BEGAIN: variants seen among roughly 807,000 people sequenced by gnomAD.
BEGAIN encodes the protein brain-enriched guanylate kinase-associated protein.
In BEGAIN, 19 loss-of-function variants were observed where a neutral mutation model predicts 35.8. The observed-to-expected ratio is 0.53, with a 90% CI of 0.37 to 0.78. The LOEUF (loss-of-function observed/expected upper bound fraction) is 0.78. Among genes scored for constraint, BEGAIN ranks in the 30% least tolerant of loss-of-function variants. The pLI, the probability that BEGAIN is intolerant of heterozygous loss-of-function variation, is 0.00. For synonymous variants in BEGAIN, 462 were observed against 388.6 expected (o/e 1.19, Z -2.22); for missense variants, 795 against 853.6 (o/e 0.93, Z 0.85).
chr14:100,556,942 C>T (rs12894800), intron 2 of BEGAIN, among the ~76,000 whole-genome samples: 26,497 of 152,240 alleles, frequency 0.17, 3,181 homozygotes, highest in East Asian at 0.55. Flanking sequence ...CCACTGATCT[C>T]CATCCAACCT....
Position 100,538,438 on chromosome 14 carries a change from CG to C in BEGAIN, c.1369del (p.Arg457AlafsTer62). 1 of 1,587,766 alleles carries C rather than the reference CG, an allele frequency of 6.3e-7. No homozygotes were observed. Among genetic ancestry groups the C allele is most frequent in the Admixed American group, 1.8e-5 (1 of 55,388 alleles). On this transcript the variant is annotated frameshift_variant, in exon 7 of 7. Coordinates refer to ENST00000554140, the MANE Select transcript of BEGAIN (RefSeq NM_001385089.1). LOFTEE classifies it high-confidence loss of function. ...AYSYPVSAAG[R>X]ASPCSFSERY... ...TTCAGAGAAGCTGCAGGGTGAGGCG[CG>C]GCCGGCAGCGCTCACGGGGTAGGAG...
chr14:100,584,353 G>T (rs1396330412), intron 1 of BEGAIN, among the ~76,000 whole-genome samples: 2 of 152,194 alleles, frequency 1.3e-5, no homozygotes, highest in Non-Finnish European at 2.9e-5. Context: ...GCCTGCTGAG[G>T]CAAGGGCCAC....
intron 2 of BEGAIN, among the ~76,000 whole-genome samples, chr14:100,564,392 G>C (rs1020548744): frequency 6.6e-6 from 1 of 151,984 alleles, no homozygotes; most frequent in Non-Finnish European, 1.5e-5. Flanking sequence ...TTTGACAGAG[G>C]AGGGAACCGA....
In BEGAIN at chr14:100,568,501, C is replaced by T; in HGVS notation, c.43-562G>A. 7.8e-7 allele frequency: 1 copy of T among 1,287,270 alleles called. No homozygotes were observed. 79.7% of individuals were successfully genotyped at this position (1,287,270 alleles called of 1,614,324 possible). A position where few individuals can be genotyped will look rare whatever the true frequency, so the allele number is the denominator to read the frequency against. The stretch of plus-strand genomic sequence containing the variant: ...GACTCCTCAATCAGGGACCCGCTGC[C>T]CTCAGATTCTGGGGTTTTGGGCCTG... On this transcript the variant is annotated intron_variant, in intron 1 of 6. Transcript: ENST00000554140. The surrounding 1 kb of genome is among the most constrained non-coding windows in gnomAD (Gnocchi z 7.5).
chr14:100,541,216 G>A (rs2031559111), intron 5 of BEGAIN, among the ~76,000 whole-genome samples: 1 of 152,264 alleles, frequency 6.6e-6, no homozygotes, highest in African/African-American at 2.4e-5. Context: ...CTTCGCCACT[G>A]AAAATCTCTG....
chr14:100,538,449 G>A lies in BEGAIN; in HGVS notation c.1359C>T (p.Ser453=), dbSNP rs1361798703. The A allele has an allele frequency of 6.9e-6, 11 of 1,588,966 alleles. No individual in the cohort carries two copies. The highest frequency in any genetic ancestry group is 6.8e-5 in the African/African-American group (5 of 73,632). The change falls in exon 7 of 7, where the codon AGC becomes AGT. Residue 453 remains serine, a synonymous_variant. Transcript: ENST00000554140. The part of the protein sequence containing the change: ...EDIGAYSYPV[S]AAGRASPCSF... Reference sequence around the variant, plus strand: ...TGCAGGGTGAGGCGCGGCCGGCAGCGCTCACGGGGTAGGAGTAGGCGCCGA... The same window carrying A: ...TGCAGGGTGAGGCGCGGCCGGCAGCACTCACGGGGTAGGAGTAGGCGCCGA...
intron 1 of BEGAIN, among the ~76,000 whole-genome samples, chr14:100,571,347 C>A (rs1424139295): frequency 1.3e-5 from 2 of 152,210 alleles, no homozygotes; most frequent in Non-Finnish European, 1.5e-5. Flanking sequence ...GCCTGTGGAG[C>A]TCCCAGCTGC....
chr14:100,552,753 G>A (rs139549084), intron 2 of BEGAIN, among the ~76,000 whole-genome samples: 86 of 152,340 alleles, frequency 5.6e-4, no homozygotes, highest in African/African-American at 1.6e-3. Context: ...AGTAGAGCAC[G>A]TGGTCCCTAG....
In BEGAIN at chr14:100,586,210, A is replaced by T. The variant is rs1337662095; in HGVS notation, c.42+1039T>A. Among the ~76,000 whole-genome samples the T allele has an allele frequency of 1.3e-5, 2 of 152,176 alleles. No individual in the cohort carries two copies. Among genetic ancestry groups the T allele is most frequent in the African/African-American group, 2.4e-5 (1 of 41,458 alleles). ...GGGGTCTCTGCTGCTCTTGGCAGGC[A>T]GAGGAACTAGGGTCCAGAGAAGGAA... On this transcript the variant is annotated intron_variant, in intron 1 of 6. Coordinates refer to ENST00000554140, the MANE Select transcript of BEGAIN (RefSeq NM_001385089.1). The surrounding 1 kb of genome is among the most constrained non-coding windows in gnomAD (Gnocchi z 4.9).
intron 1 of BEGAIN, among the ~76,000 whole-genome samples, chr14:100,574,493 C>T (rs933521897): frequency 2.7e-5 from 4 of 150,308 alleles, no homozygotes; most frequent in Admixed American, 1.3e-4. Flanking sequence ...CCACCACCAG[C>T]ATGTTGTATT....
Position 100,538,585 on chromosome 14 carries a change from TG to T in BEGAIN, c.1222del (p.Gln408SerfsTer4). Reference sequence around the variant, plus strand: ...CAGGTTTGGGGGCATCAGGGCCTGCTGGGGACCCGGAGAGGCCGGGAAGCGG... The same window carrying T: ...CAGGTTTGGGGGCATCAGGGCCTGCTGGGACCCGGAGAGGCCGGGAAGCGG... ...TFRFPASPGP[Q>X]QALMPPNLWS... On this transcript the variant is annotated frameshift_variant, in exon 7 of 7. Transcript: ENST00000554140. LOFTEE classifies it low-confidence loss of function (END_TRUNC). The T allele has an allele frequency of 1.3e-6, 2 of 1,547,416 alleles. No homozygotes were observed. The highest frequency in any genetic ancestry group is 2.0e-5 in the Admixed American group (1 of 50,698).
Position 100,541,848 on chromosome 14 carries a change from C to T in BEGAIN, c.409-1269G>A, listed in dbSNP as rs115583947. Among the ~76,000 whole-genome samples the T allele has an allele frequency of 9.0e-3, 1,370 of 152,292 alleles. 19 individuals carry two copies. The highest frequency in any genetic ancestry group is 0.032 in the African/African-American group (1,315 of 41,544). On this transcript the variant is annotated intron_variant, in intron 5 of 6. Transcript: ENST00000554140. ...TCCTGAGCAGCCGCAGCTGCTGGCT[C>T]GGGGAGGAAATGCTCACGGGACACT... is the stretch of plus-strand genomic sequence containing the variant.
rs1378418320 is a variant in BEGAIN, at chr14:100,543,879, G to A, written c.387C>T (p.Ile129=). The change falls in exon 5 of 7, where the codon ATC becomes ATT. Residue 129 remains isoleucine (I), a synonymous_variant. Coordinates refer to ENST00000554140, the MANE Select transcript of BEGAIN (RefSeq NM_001385089.1). The part of the protein sequence containing the change: ...NSHLLEAKVT[I]DKLSEDNELY... ...TCACGTTGTCCTCTGACAGCTTGTC[G>A]ATGGTCACCTTGGCTTCTAGCAGAT... The A allele has an allele frequency of 1.9e-6, 3 of 1,613,456 alleles. No individual in the cohort carries two copies. The highest frequency in any genetic ancestry group is 1.6e-4 in the Middle Eastern group (1 of 6,080).
rs1190391951 is a variant in BEGAIN, at chr14:100,574,525, T to TC, written c.43-6587_43-6586insG. ...TATTTGGCCTGCACAAAGGTTTTTT[T>TC]TTTTTTTTTTTTTTAAACATTTGAG... is the stretch of plus-strand genomic sequence containing the variant. On this transcript the variant is annotated intron_variant, in intron 1 of 6. Coordinates refer to ENST00000554140, the MANE Select transcript of BEGAIN (RefSeq NM_001385089.1). Among the ~76,000 whole-genome samples, 20 of 152,222 alleles carry TC rather than the reference T, an allele frequency of 1.3e-4. No homozygotes were observed. The South Asian group carries it at 2.5e-3, about 19-fold the overall frequency.
rs1424559222 is a variant in BEGAIN, at chr14:100,558,355, C to T, written c.71+9556G>A. The stretch of plus-strand genomic sequence containing the variant: ...CAGGCACATGCTGCCTCTCCCTGCT[C>T]CCGCACCTCCCACCCTCACTGCGCT... On this transcript the variant is annotated intron_variant, in intron 2 of 6. Transcript: ENST00000554140. This position sits in a 1 kb window ranked among gnomAD's most constrained non-coding sequence, Gnocchi z 4.6. Among the ~76,000 whole-genome samples the T allele has an allele frequency of 2.0e-5, 3 of 152,198 alleles. No individual in the cohort carries two copies. Among genetic ancestry groups the T allele is most frequent in the East Asian group, 1.9e-4 (1 of 5,198 alleles).
intron 5 of BEGAIN, among the ~76,000 whole-genome samples, chr14:100,543,089 C>T (rs1168373553): frequency 1.3e-5 from 2 of 152,224 alleles, no homozygotes; most frequent in Non-Finnish European, 2.9e-5. Flanking sequence ...GCTTCTCCCA[C>T]GGATGTCTGC....
intron 6 of BEGAIN, 62 bp from the exon 7 acceptor site, chr14:100,539,377 C>T: frequency 6.7e-7 from 1 of 1,497,474 alleles, no homozygotes. Flanking sequence ...GGCAGCCCAG[C>T]CCTGGCCCTG....
At chr14:100,566,240 C>T (rs1338500183) in intron 2 of BEGAIN, among the ~76,000 whole-genome samples, 2 of 152,230 alleles carry the variant, frequency 1.3e-5, no homozygotes, top group African/African-American at 4.8e-5. Context: ...GAAGCCTCAG[C>T]CCGCCTGGGA....
In BEGAIN at chr14:100,539,220, G is replaced by A. The variant is rs772481372; in HGVS notation, c.588C>T (p.Ser196=). ...SPLCHPAYAD[S]VPTCVIAKVL... ...CCTTGGCAATGACGCAGGTGGGGAC[G>A]CTGTCGGCGTAGGCCGGGTGGCAGA... Residue 196 remains serine (S), a synonymous_variant, in exon 7 of 7, where the codon AGC becomes AGT. Coordinates refer to ENST00000554140, the MANE Select transcript of BEGAIN (RefSeq NM_001385089.1). 30 of 1,587,246 alleles carry A rather than the reference G, an allele frequency of 1.9e-5. No individual in the cohort carries two copies. Among genetic ancestry groups the A allele is most frequent in the Middle Eastern group, 1.7e-4 (1 of 5,942 alleles).
Sources: allele counts gnomAD v4.1 joint callset (sites outside exome capture counted in the v4.1 genomes callset), GRCh38; gene constraint gnomAD v4.1.1; non-coding constraint Gnocchi (gnomAD v3.1); transcripts MANE v1.5; gene names NCBI Gene and HGNC (gene_info 2026-07-23, HGNC 2026-07-21).